The following RHOT1 variants were observed in gnomAD, a reference collection of about 807,000 sequenced individuals.
The protein encoded by RHOT1 is ras homolog family member T1.
A neutral mutation model predicts 95.3 loss-of-function variants in RHOT1; 27 were observed. The observed-to-expected ratio is 0.28, with a 90% CI of 0.21 to 0.39. The LOEUF is 0.39. RHOT1 is among the 10% of genes least tolerant of loss of function. The pLI is 1.00. For missense variants in RHOT1, 578 were observed against 786.7 expected (o/e 0.73, Z 3.17); for synonymous variants, 227 against 263.5 (o/e 0.86, Z 1.34).
At chr17:32,149,619 A>ATG (rs1422165602) in intron 1 of RHOT1, among the ~76,000 whole-genome samples, 8 of 88,928 alleles carry the variant, frequency 9.0e-5, no homozygotes, top group African/African-American at 4.0e-4. Context: ...ATATATATAT[A>ATG]TATATATATA....
At chr17:32,206,394 C>A (rs1286428937) in intron 16 of RHOT1, among the ~76,000 whole-genome samples, 1 of 145,728 alleles carries the variant, frequency 6.9e-6, no homozygotes, top group South Asian at 2.2e-4. Context: ...ATCTTAATCA[C>A]CATTTTTAGT....
chr17:32,168,698 A>G (rs1196656943), intron 1 of RHOT1, among the ~76,000 whole-genome samples: 1 of 151,396 alleles, frequency 6.6e-6, no homozygotes, highest in Non-Finnish European at 1.5e-5. Context: ...AGAGGTCACC[A>G]TTCCCTTTCG....
At chr17:32,214,727 A>G (rs1442008543) in intron 19 of RHOT1, among the ~76,000 whole-genome samples, 2 of 150,862 alleles carry the variant, frequency 1.3e-5, no homozygotes, top group Admixed American at 6.6e-5. Context: ...AGGCACAAAA[A>G]AGATTGATTG....
In RHOT1 at chr17:32,193,116, A is replaced by G; in HGVS notation, c.640-20A>G. The G allele has an allele frequency of 1.4e-6, 2 of 1,478,080 alleles. No homozygotes were observed. The highest frequency in any genetic ancestry group is 1.9e-6 in the Non-Finnish European group (2 of 1,064,560). 91.6% of individuals were successfully genotyped at this position (1,478,080 alleles called of 1,614,324 possible). ...TTAACGCTGGTTTGTTTTTAAATAT[A>G]TTTTTATGTTTTTTGCTAGAGGATT... is the stretch of plus-strand genomic sequence containing the variant. On this transcript the variant is annotated intron_variant, in intron 9 of 19. Transcript: ENST00000545287.
At chr17:32,185,442 C>G (rs1362970007) in intron 8 of RHOT1, among the ~76,000 whole-genome samples, 1 of 151,972 alleles carries the variant, frequency 6.6e-6, no homozygotes, top group Non-Finnish European at 1.5e-5. Context: ...GGGCCTTACT[C>G]TATCGCCCAG....
intron 16 of RHOT1, among the ~76,000 whole-genome samples, chr17:32,205,314 C>G (rs1045610351): frequency 6.6e-6 from 1 of 152,062 alleles, no homozygotes; most frequent in Non-Finnish European, 1.5e-5. Context: ...ATGACGGCTT[C>G]CAGTTTCATC....
At position 32,207,036 on chromosome 17, in the gene RHOT1, T is replaced by C. The variant is rs372246807; in HGVS notation, c.1536+7T>C. 30 of 1,608,142 alleles carry C rather than the reference T, an allele frequency of 1.9e-5. No homozygotes were observed. In the African/African-American group the frequency reaches 3.9e-4, roughly 21 times the overall value. ...CTGTGCCAGGATTTTTAAGGTTTGTTGCTCCTACAGACTATGACTGAATGT... is the reference window on the plus strand; with the variant it reads ...CTGTGCCAGGATTTTTAAGGTTTGTCGCTCCTACAGACTATGACTGAATGT... On this transcript the variant is annotated splice_region_variant and intron_variant, in intron 17 of 19. Transcript: ENST00000545287.
chr17:32,220,232 C>G (rs1415667636), intron 19 of RHOT1, among the ~76,000 whole-genome samples: 3 of 152,090 alleles, frequency 2.0e-5, no homozygotes, highest in Non-Finnish European at 4.4e-5. Context: ...CATGATGGCA[C>G]ACACCTGTAG....
intron 9 of RHOT1, among the ~76,000 whole-genome samples, chr17:32,192,679 T>TG (rs1567701447): frequency 6.7e-6 from 1 of 149,914 alleles, no homozygotes; most frequent in African/African-American, 2.5e-5. Context: ...TTTTTTTTTT[T>TG]TTTTGTTTTT....
chr17:32,149,053 T>C (rs1375026637), intron 1 of RHOT1, among the ~76,000 whole-genome samples: 2 of 152,190 alleles, frequency 1.3e-5, no homozygotes, highest in African/African-American at 4.8e-5. Flanking sequence ...TTGTGGATAA[T>C]TGTGGTCTTG....
At chr17:32,159,970 C>G (rs931938884) in intron 1 of RHOT1, 1 of 152,084 alleles carries the variant, frequency 6.6e-6, no homozygotes, top group African/African-American at 2.4e-5. Context: ...CCATGGCTGC[C>G]CATGGACCAA....
chr17:32,177,919 G>C (rs1188839904), intron 6 of RHOT1, among the ~76,000 whole-genome samples: 1 of 150,268 alleles, frequency 6.7e-6, no homozygotes, highest in Non-Finnish European at 1.5e-5. Context: ...CTGTCTCCCA[G>C]GTTCATGCAA....
intron 1 of RHOT1, chr17:32,159,618 T>C (rs2033343618): frequency 6.5e-6 from 1 of 152,784 alleles, no homozygotes; most frequent in South Asian, 2.1e-4. Flanking sequence ...AGAGCGAGGT[T>C]GGGGCCAAGC....
At chr17:32,201,779 A>G (rs541387111) in intron 14 of RHOT1, among the ~76,000 whole-genome samples, 9 of 152,202 alleles carry the variant, frequency 5.9e-5, no homozygotes, top group Non-Finnish European at 1.3e-4. Flanking sequence ...TGGATGTTCT[A>G]TAACTTATTT....
At chr17:32,208,605 A>T (rs1186873782) in intron 18 of RHOT1, 1 of 260,272 alleles carries the variant, frequency 3.8e-6, no homozygotes, top group African/African-American at 2.2e-5. Flanking sequence ...TTTTACTGGA[A>T]TAAAATGGGT....
rs2030503038 is a variant in RHOT1, at chr17:32,142,582, G to A, written c.-111G>A. The A allele has an allele frequency of 2.3e-6, 2 of 880,004 alleles. No individual in the cohort carries two copies. Among genetic ancestry groups the A allele is most frequent in the Non-Finnish European group, 3.2e-6 (2 of 621,010 alleles). 54.5% of individuals were successfully genotyped at this position (880,004 alleles called of 1,614,324 possible). A position where few individuals can be genotyped will look rare whatever the true frequency, so the allele number is the denominator to read the frequency against. ...GAAGCAACTGAGGGGGCGGCGCGGC[G>A]GGCCCCGGCGGCCGAAGAGGCTGGC... On this transcript the variant is annotated 5_prime_UTR_variant, in exon 1 of 20. Coordinates refer to ENST00000545287, the MANE Select transcript of RHOT1 (RefSeq NM_001033566.3).
At chr17:32,214,372 G>C (rs2038316006) in intron 19 of RHOT1, among the ~76,000 whole-genome samples, 1 of 152,170 alleles carries the variant, frequency 6.6e-6, no homozygotes, top group Admixed American at 6.5e-5. Context: ...TGGAAATCAA[G>C]GCTTTGGTGT....
Position 32,224,763 on chromosome 17 carries a change from AC to A in RHOT1, c.*31del, listed in dbSNP as rs1159234880. On this transcript the variant is annotated 3_prime_UTR_variant, in exon 20 of 20. Transcript: ENST00000545287. ...AAAAGAAATACTGTCCCTACCAAAA[AC>A]AAATACTTTTATGTACATTCTGAAT... The A allele has an allele frequency of 7.4e-7, 1 of 1,343,562 alleles. No homozygotes were observed. The highest frequency in any genetic ancestry group is 2.3e-5 in the East Asian group (1 of 43,194). 83.2% of individuals were successfully genotyped at this position (1,343,562 alleles called of 1,614,324 possible). A position where few individuals can be genotyped will look rare whatever the true frequency, so the allele number is the denominator to read the frequency against.
intron 1 of RHOT1, among the ~76,000 whole-genome samples, chr17:32,149,585 G>A (rs1199905759): frequency 1.1e-4 from 10 of 93,468 alleles, no homozygotes; most frequent in African/African-American, 2.3e-4. Flanking sequence ...CTTGAGCCCA[G>A]CAGTTCTATA....
Sources: allele counts gnomAD v4.1 joint callset (sites outside exome capture counted in the v4.1 genomes callset), GRCh38; gene constraint gnomAD v4.1.1; transcripts MANE v1.5; gene names NCBI Gene and HGNC (gene_info 2026-07-23, HGNC 2026-07-21).